Variants in TTC27 observed in about 807,000 individuals in gnomAD.
The protein encoded by TTC27 is tetratricopeptide repeat protein 27.
Under a neutral mutation model 115.9 loss-of-function variants are expected in TTC27, and 79 were observed. The observed-to-expected ratio is 0.68, with a 90% CI of 0.57 to 0.82. TTC27 has a LOEUF of 0.82. Among genes scored for constraint, TTC27 ranks in the 40% least tolerant of loss-of-function variants. TTC27 has a pLI of 0.00. For synonymous variants in TTC27, 401 were observed against 356.0 expected (o/e 1.13, Z -1.42); for missense variants, 1,054 against 993.1 (o/e 1.06, Z -0.82).
chr2:32,761,611 G>A (rs758836475), intron 13 of TTC27, among the ~76,000 whole-genome samples: 1 of 151,984 alleles, frequency 6.6e-6, no homozygotes. Flanking sequence ...CTGCCTCAGG[G>A]TCTTCCTCTT....
intron 10 of TTC27, among the ~76,000 whole-genome samples, chr2:32,732,474 C>G (rs2057345): frequency 0.17 from 25,978 of 152,176 alleles, 2,674 homozygotes; most frequent in South Asian, 0.37. Flanking sequence ...AGAGAACTTT[C>G]AATTTAGGAG....
intron 9 of TTC27, among the ~76,000 whole-genome samples, chr2:32,698,459 T>TTATTATTATTATTATTATTATTATTA (rs1559211219): frequency 1.0e-5 from 1 of 97,030 alleles, no homozygotes; most frequent in Non-Finnish European, 2.5e-5. Flanking sequence ...TATTATTATT[T>TTATTATTATTATTATTATTATTATTA]TTTAGCATTT....
At chr2:32,638,748 A>G (rs1225342237) in intron 3 of TTC27, among the ~76,000 whole-genome samples, 1 of 152,162 alleles carries the variant, frequency 6.6e-6, no homozygotes, top group Admixed American at 6.5e-5. Context: ...TTAGTATTCA[A>G]AATACTCAGT....
chr2:32,690,081 C>G (rs1339097721), intron 9 of TTC27, among the ~76,000 whole-genome samples: 1 of 152,114 alleles, frequency 6.6e-6, no homozygotes, highest in African/African-American at 2.4e-5. Flanking sequence ...TGACTTGAAT[C>G]AAGACAGTGT....
At chr2:32,673,999 C>G (rs1038203632) in intron 8 of TTC27, among the ~76,000 whole-genome samples, 1 of 151,926 alleles carries the variant, frequency 6.6e-6, no homozygotes, top group East Asian at 1.9e-4. Context: ...AATACAAATT[C>G]TTTGAAAGGT....
intron 7 of TTC27, among the ~76,000 whole-genome samples, chr2:32,671,773 A>G (rs1237579640): frequency 2.0e-5 from 3 of 152,210 alleles, no homozygotes; most frequent in Non-Finnish European, 4.4e-5. Flanking sequence ...TGATCACACT[A>G]TATTGCTGAG....
At position 32,628,178 on chromosome 2, in the gene TTC27, G is replaced by C. The variant is rs2063523531; in HGVS notation, c.-115G>C. ...TTCTAGGGCCGCAGGTGTATTTACGGTAACTGTCGCCACTAGATTTCAGCG... is the reference window on the plus strand; with the variant it reads ...TTCTAGGGCCGCAGGTGTATTTACGCTAACTGTCGCCACTAGATTTCAGCG... On this transcript the variant is annotated 5_prime_UTR_variant, in exon 1 of 20. Transcript: ENST00000317907. The C allele has an allele frequency of 6.3e-6, 6 of 947,060 alleles. No homozygotes were observed. The highest frequency in any genetic ancestry group is 8.2e-6 in the Non-Finnish European group (5 of 612,378). 58.7% of individuals were successfully genotyped at this position (947,060 alleles called of 1,614,324 possible).
chr2:32,742,268 A>G (rs1216625784), intron 12 of TTC27, among the ~76,000 whole-genome samples: 2 of 152,260 alleles, frequency 1.3e-5, no homozygotes, highest in Non-Finnish European at 2.9e-5. Context: ...TTTGTAAGTT[A>G]AAACCTGTTG....
intron 12 of TTC27, among the ~76,000 whole-genome samples, chr2:32,754,198 A>G (rs1457737933): frequency 7.6e-6 from 1 of 131,602 alleles, no homozygotes; most frequent in Middle Eastern, 4.5e-3. Flanking sequence ...GCAGAGGGGG[A>G]TTTGCCAGGG....
intron 19 of TTC27, among the ~76,000 whole-genome samples, chr2:32,818,462 A>G (rs1013796919): frequency 1.1e-4 from 17 of 152,218 alleles, no homozygotes; most frequent in African/African-American, 3.9e-4. Flanking sequence ...TAACTTGTGT[A>G]CCAGTGCTGG....
In TTC27 at chr2:32,672,303, A is replaced by G. The variant is rs1187872369; in HGVS notation, c.971A>G (p.Asn324Ser). ...GAGCTCAATGATGACACCATTCTGAATGACATAAAGTTAGCAGATTGTGAA... is the reference window on the plus strand; with the variant it reads ...GAGCTCAATGATGACACCATTCTGAGTGACATAAAGTTAGCAGATTGTGAA... ...NLELNDDTILNDIKLADCEQF... is the reference protein window; with the variant it reads ...NLELNDDTILSDIKLADCEQF... The change falls in exon 8 of 20, where the codon AAT (asparagine) becomes AGT (serine). Residue 324 changes from asparagine (N) to serine (S), a missense_variant. Transcript: ENST00000317907. The G allele has an allele frequency of 5.6e-6, 9 of 1,613,756 alleles. No individual in the cohort carries two copies. The highest frequency in any genetic ancestry group is 4.5e-5 in the East Asian group (2 of 44,854).
intron 7 of TTC27, among the ~76,000 whole-genome samples, chr2:32,671,286 A>T (rs1666006215): frequency 1.4e-5 from 1 of 69,900 alleles, no homozygotes; most frequent in Non-Finnish European, 3.0e-5. Flanking sequence ...GATAAACGTG[A>T]AGGGTCATTT....
intron 10 of TTC27, among the ~76,000 whole-genome samples, chr2:32,703,770 G>A (rs1286428095): frequency 6.6e-6 from 1 of 152,114 alleles, no homozygotes; most frequent in Non-Finnish European, 1.5e-5. Context: ...AAGAAAAATG[G>A]AAAATCTTAC....
chr2:32,819,883 A>G (rs1222580601), intron 19 of TTC27, among the ~76,000 whole-genome samples: 4 of 152,186 alleles, frequency 2.6e-5, no homozygotes, highest in Non-Finnish European at 5.9e-5. Flanking sequence ...CTTACCCCAC[A>G]GGGAAGTGAT....
intron 6 of TTC27, among the ~76,000 whole-genome samples, chr2:32,666,263 C>T (rs747709923): frequency 1.3e-5 from 2 of 152,004 alleles, no homozygotes; most frequent in Non-Finnish European, 2.9e-5. Context: ...GCCCTGTGAT[C>T]ATGAACAAAT....
intron 5 of TTC27, among the ~76,000 whole-genome samples, chr2:32,659,609 C>T (rs1014105626): frequency 1.5e-5 from 2 of 132,358 alleles, no homozygotes; most frequent in Non-Finnish European, 3.6e-5. Context: ...AGTAGGTATG[C>T]ACGTGCCATG....
intron 3 of TTC27, among the ~76,000 whole-genome samples, chr2:32,637,781 C>T (rs1450426029): frequency 6.6e-6 from 1 of 152,214 alleles, no homozygotes; most frequent in African/African-American, 2.4e-5. Flanking sequence ...TAGGCAGGTT[C>T]TTCTGAGTTC....
chr2:32,793,831 TG>T (rs1329203831), intron 16 of TTC27, among the ~76,000 whole-genome samples: 1 of 152,028 alleles, frequency 6.6e-6, no homozygotes, highest in Non-Finnish European at 1.5e-5. Context: ...CCTGTTACAA[TG>T]TTTTTTTTAA....
intron 13 of TTC27, among the ~76,000 whole-genome samples, chr2:32,776,129 G>A (rs929725311): frequency 6.6e-6 from 1 of 152,078 alleles, no homozygotes; most frequent in African/African-American, 2.4e-5. Context: ...CCTCTTTTCA[G>A]TCATTACCTG....
Sources: gnomAD v4.1 joint callset for allele counts (sites outside exome capture counted in the v4.1 genomes callset) on GRCh38, gnomAD v4.1.1 for gene constraint, MANE v1.5 for transcripts, NCBI Gene and HGNC (gene_info 2026-07-23, HGNC 2026-07-21) for gene names.